Variants in SRGAP3 observed in about 807,000 individuals in gnomAD.
SRGAP3 encodes the protein SLIT-ROBO Rho GTPase-activating protein 3.
SRGAP3 carries 39 observed loss-of-function variants against 121.1 expected under a neutral mutation model. The observed-to-expected ratio is 0.32, with a 90% CI of 0.25 to 0.42. The LOEUF is 0.42. Ranked by LOEUF, SRGAP3 falls within the 10% of genes least tolerant of loss-of-function variation. SRGAP3 has a pLI of 1.00. For missense variants in SRGAP3, 1,213 were observed against 1,470.6 expected (o/e 0.82, Z 2.86); for synonymous variants, 601 against 570.0 (o/e 1.05, Z -0.77).
At chr3:9,324,250 CAT>C in intron 3 of SRGAP3, among the ~76,000 whole-genome samples, 1 of 152,090 alleles carries the variant, frequency 6.6e-6, no homozygotes, top group East Asian at 1.9e-4. Flanking sequence ...AGGACTCAAA[CAT>C]AGAAATACAG....
intron 1 of SRGAP3, among the ~76,000 whole-genome samples, chr3:9,187,584 C>G (rs540457422): frequency 1.4e-4 from 22 of 152,318 alleles, no homozygotes; most frequent in African/African-American, 5.1e-4. Flanking sequence ...GCCACTGTCT[C>G]TTACTGGCTG....
intron 4 of SRGAP3, among the ~76,000 whole-genome samples, chr3:9,074,266 A>G (rs747267045): frequency 1.1e-4 from 17 of 152,186 alleles, no homozygotes; most frequent in Non-Finnish European, 2.4e-4. Context: ...TTCTTTCATA[A>G]AAGACACAAT....
chr3:9,348,342 A>C (rs1478913504), intron 1 of SRGAP3: 5 of 427,560 alleles, frequency 1.2e-5, no homozygotes, highest in African/African-American at 2.0e-5. Context: ...AAGAGTGGAA[A>C]GAAAAGGGAG....
chr3:9,131,434 T>G (rs921518558), intron 1 of SRGAP3, among the ~76,000 whole-genome samples: 18 of 29,510 alleles, frequency 6.1e-4, no homozygotes, highest in African/African-American at 1.8e-3. Flanking sequence ...GATCTAATTC[T>G]TTTTTTTTTT....
At chr3:9,025,396 A>G in intron 13 of SRGAP3, 58 bp from the exon 14 acceptor site, 1 of 1,551,832 alleles carries the variant, frequency 6.4e-7, no homozygotes, top group East Asian at 2.2e-5. Flanking sequence ...TGAGTTCATT[A>G]GACTACCGGG....
Position 8,981,503 on chromosome 3 carries a change from G to A in SRGAP3, c.*4016C>T, listed in dbSNP as rs773503044. The A allele has an allele frequency of 1.3e-5, 3 of 232,422 alleles. No homozygotes were observed. Among genetic ancestry groups the A allele is most frequent in the Non-Finnish European group, 2.6e-5 (3 of 117,378 alleles). 14.4% of individuals were successfully genotyped at this position (232,422 alleles called of 1,614,324 possible). A position where few individuals can be genotyped will look rare whatever the true frequency, so the allele number is the denominator to read the frequency against. Reference sequence around the variant, plus strand: ...AGGAAGAACCATTACCCGAGTCCTCGTGTTTTTCCATTAGCTGTGGACATG... The same window carrying A: ...AGGAAGAACCATTACCCGAGTCCTCATGTTTTTCCATTAGCTGTGGACATG... On this transcript the variant is annotated 3_prime_UTR_variant, in exon 22 of 22. Transcript: ENST00000383836.
rs894217708 is a variant in SRGAP3, at chr3:8,985,686, C to T, written c.3133G>A (p.Ala1045Thr). ...CGGAGCTGGGCGCCAGCCAGGCGGG[C>T]GGACAGGGCTGGCTTGAAGGTGGTC... ...MMTTFKPALS[A>T]RLAGAQLRPP... The change falls in exon 22 of 22, where the codon GCC becomes ACC. Residue 1045 changes from alanine to threonine, a missense_variant. This residue lies in a region of SRGAP3 where 420 missense variants were observed against 437.7 expected (regional missense o/e 0.96). Coordinates refer to ENST00000383836, the MANE Select transcript of SRGAP3 (RefSeq NM_014850.4). The surrounding 1 kb of genome is among the most constrained non-coding windows in gnomAD (Gnocchi z 5.1). 3 of 1,595,884 alleles carry T rather than the reference C, an allele frequency of 1.9e-6. No homozygotes were observed. Among genetic ancestry groups the T allele is most frequent in the East Asian group, 4.5e-5 (2 of 44,678 alleles).
intron 21 of SRGAP3, among the ~76,000 whole-genome samples, chr3:8,986,674 C>T (rs1941724041): frequency 6.6e-6 from 1 of 152,198 alleles, no homozygotes; most frequent in Admixed American, 6.5e-5. Flanking sequence ...AGAATGTTCA[C>T]AGCGCACATC....
intron 3 of SRGAP3, among the ~76,000 whole-genome samples, chr3:9,098,937 C>T (rs985144242): frequency 4.6e-5 from 7 of 152,138 alleles, no homozygotes; most frequent in Admixed American, 2.0e-4. Flanking sequence ...TGGCTGAAGG[C>T]GCCTCATCCC....
chr3:9,253,095 A>G (rs1954053368), upstream of SRGAP3, among the ~76,000 whole-genome samples: 1 of 152,206 alleles, frequency 6.6e-6, no homozygotes, highest in Non-Finnish European at 1.5e-5. Context: ...CCATGAGTCC[A>G]GTGATGTAAA....
intron 3 of SRGAP3, among the ~76,000 whole-genome samples, chr3:9,101,933 C>T (rs1161744190): frequency 6.6e-6 from 1 of 152,174 alleles, no homozygotes; most frequent in Non-Finnish European, 1.5e-5. Context: ...GACTCCACTG[C>T]AAAAGGGGAA....
chr3:9,348,316 G>T (rs1955943582), intron 1 of SRGAP3: 2 of 390,364 alleles, frequency 5.1e-6, no homozygotes, highest in Non-Finnish European at 9.7e-6. Flanking sequence ...ACAAGAAAGA[G>T]ACAAAGAGTG....
At chr3:9,253,836 G>C (rs761718262), upstream of SRGAP3, among the ~76,000 whole-genome samples, 5 of 152,192 alleles carry the variant, frequency 3.3e-5, no homozygotes, top group Non-Finnish European at 7.3e-5. Context: ...ATAACCCTGG[G>C]AGGGGACGGA....
At chr3:9,229,701 T>G (rs1481892374) in intron 1 of SRGAP3, among the ~76,000 whole-genome samples, 1 of 152,216 alleles carries the variant, frequency 6.6e-6, no homozygotes, top group African/African-American at 2.4e-5. Flanking sequence ...ACCCCATTCA[T>G]ATTTCTATCT....
At chr3:9,178,830 C>T (rs2125115410) in intron 1 of SRGAP3, among the ~76,000 whole-genome samples, 1 of 152,312 alleles carries the variant, frequency 6.6e-6, no homozygotes, top group African/African-American at 2.4e-5. Flanking sequence ...CTTTGTTCCG[C>T]CCTAGACCCG....
chr3:9,174,246 A>G (rs1951092210), intron 1 of SRGAP3, among the ~76,000 whole-genome samples: 1 of 152,260 alleles, frequency 6.6e-6, no homozygotes, highest in South Asian at 2.1e-4. Context: ...GGTTGAAAAG[A>G]GTTCTGGAGA....
At chr3:9,228,703 G>A (rs1953081908) in intron 1 of SRGAP3, among the ~76,000 whole-genome samples, 1 of 152,142 alleles carries the variant, frequency 6.6e-6, no homozygotes, top group Non-Finnish European at 1.5e-5. Context: ...TAAGTTCTTG[G>A]GGGCAACAGA....
intron 1 of SRGAP3, among the ~76,000 whole-genome samples, chr3:9,144,623 G>A (rs1483879047): frequency 1.3e-5 from 2 of 152,152 alleles, no homozygotes; most frequent in African/African-American, 4.8e-5. Context: ...GTTTATCAGG[G>A]TTTTCTGCTT....
chr3:9,159,255 CAGT>C (rs1208143461), intron 1 of SRGAP3, among the ~76,000 whole-genome samples: 2 of 152,146 alleles, frequency 1.3e-5, no homozygotes, highest in East Asian at 3.9e-4. Context: ...TGGTGCTTGT[CAGT>C]CTGTGTAGAT....
Sources: allele counts gnomAD v4.1 joint callset (sites outside exome capture counted in the v4.1 genomes callset), GRCh38; gene constraint gnomAD v4.1.1; regional missense constraint gnomAD v4.1.1; non-coding constraint Gnocchi (gnomAD v3.1); transcripts MANE v1.5; gene names NCBI Gene and HGNC (gene_info 2026-07-23, HGNC 2026-07-21).